Variants in CR1 observed in about 807,000 individuals in gnomAD.
The protein encoded by CR1 is complement receptor type 1.
In CR1, 116 loss-of-function variants were observed where a neutral mutation model predicts 187.3. The observed-to-expected ratio is 0.62, with a 90% CI of 0.53 to 0.72. The LOEUF (loss-of-function observed/expected upper bound fraction) is 0.72. CR1 is among the 30% of genes least tolerant of loss of function. The pLI, the probability that CR1 is intolerant of heterozygous loss-of-function variation, is 0.00. For missense variants in CR1, 1,731 were observed against 2,110.7 expected (o/e 0.82, Z 3.52); for synonymous variants, 576 against 747.1 (o/e 0.77, Z 3.73).
chr1:207,610,659 A>G (rs1661897360), intron 37 of CR1, among the ~76,000 whole-genome samples: 1 of 152,184 alleles, frequency 6.6e-6, no homozygotes, highest in South Asian at 2.1e-4. Flanking sequence ...CCCTGAGAAC[A>G]CACCAATTGT....
chr1:207,628,955 G>T (rs1662566538), intron 45 of CR1, among the ~76,000 whole-genome samples: 1 of 152,096 alleles, frequency 6.6e-6, no homozygotes, highest in African/African-American at 2.4e-5. Flanking sequence ...CACAGACTTG[G>T]CAAGTTCTTC....
rs761380715 is a variant in CR1 at position 207,612,033 on chromosome 1, C to T, written c.6567C>T (p.Cys2189=). ...LQLGAKVSFV[C]DEGFRLKGRS... ...TTGGGGCAAAGGTGTCCTTTGTTTG[C>T]GATGAAGGGTGAGTGTGACCCAGCG... Residue 2189 remains cysteine, a synonymous_variant, in exon 39 of 47, where the codon TGC becomes TGT. Transcript: ENST00000367049. 34 of 1,613,716 alleles carry T rather than the reference C, an allele frequency of 2.1e-5. No homozygotes were observed. The highest frequency in any genetic ancestry group is 5.0e-5 in the Admixed American group (3 of 59,980).
intron 35 of CR1, among the ~76,000 whole-genome samples, chr1:207,590,345 A>T (rs1300333307): frequency 6.6e-6 from 1 of 152,254 alleles, no homozygotes; most frequent in African/African-American, 2.4e-5. Flanking sequence ...CCAGAATTTC[A>T]TATCTAGCCA....
chr1:207,496,444 C>A, intron 1 of CR1, 56 bp downstream of exon 1: 1 of 1,531,178 alleles, frequency 6.5e-7, no homozygotes, highest in Non-Finnish European at 8.8e-7. Context: ...CCCGGGGCCC[C>A]GCAGAGAACT....
chr1:207,509,268 C>G (rs181681196), intron 3 of CR1, among the ~76,000 whole-genome samples: 11 of 152,122 alleles, frequency 7.2e-5, no homozygotes, highest in African/African-American at 2.7e-4. Context: ...TTTCTGGAAA[C>G]GAAATGATCA....
rs184236249 is a variant in CR1 at position 207,564,662 on chromosome 1, T to G, written c.3866+428T>G. ...CTAAAAATACAAAAGTTAGCTGGGT[T>G]TGGTGGCATGTGCCTGTAATCCCAG... On this transcript the variant is annotated intron_variant, in intron 23 of 46. Coordinates refer to ENST00000367049, the MANE Select transcript of CR1 (RefSeq NM_000651.6). Among the ~76,000 whole-genome samples, 90 of 149,896 alleles carry G rather than the reference T, an allele frequency of 6.0e-4. 1 individual carries two copies. In the East Asian group the frequency reaches 0.012, roughly 20 times the overall value.
At chr1:207,575,265 A>G (rs542332934) in intron 27 of CR1, among the ~76,000 whole-genome samples, 1 of 152,246 alleles carries the variant, frequency 6.6e-6, no homozygotes, top group Admixed American at 6.5e-5. Flanking sequence ...AAAAAAGGCA[A>G]AAATAATATT....
At chr1:207,631,060 C>A (rs1053385483) in intron 46 of CR1, among the ~76,000 whole-genome samples, 15 of 152,134 alleles carry the variant, frequency 9.9e-5, no homozygotes, top group Non-Finnish European at 1.3e-4. Flanking sequence ...CCACTGAATT[C>A]TCTACTTCAT....
At chr1:207,628,646 T>C (rs889479263) in intron 45 of CR1, among the ~76,000 whole-genome samples, 1 of 152,250 alleles carries the variant, frequency 6.6e-6, no homozygotes, top group Non-Finnish European at 1.5e-5. Context: ...CTCTTTGTGC[T>C]AGTATTTTGA....
rs1435323859 is a variant in CR1 at position 207,627,529 on chromosome 1, C to T, written c.7353-2988C>T. The stretch of plus-strand genomic sequence containing the variant: ...AAACTTACTCCAGGTTTCAAGGCTG[C>T]TCCTTGTTCTAATATACCAACTGTC... On this transcript the variant is annotated intron_variant, in intron 45 of 46. Coordinates refer to ENST00000367049, the MANE Select transcript of CR1 (RefSeq NM_000651.6). 2.6e-5 allele frequency among the ~76,000 whole-genome samples: 4 copies of T among 152,332 alleles called. No homozygotes were observed. The South Asian group carries it at 6.2e-4, about 24-fold the overall frequency.
At chr1:207,611,072 C>G (rs1381998530) in intron 37 of CR1, among the ~76,000 whole-genome samples, 1 of 151,950 alleles carries the variant, frequency 6.6e-6, no homozygotes, top group African/African-American at 2.4e-5. Context: ...TCCCCACCTC[C>G]CCTCCCTACC....
At chr1:207,632,481 G>T (rs1218344067) in intron 46 of CR1, among the ~76,000 whole-genome samples, 2 of 152,190 alleles carry the variant, frequency 1.3e-5, no homozygotes, top group Admixed American at 1.3e-4. Flanking sequence ...AATAAATAAT[G>T]CAGGAAGTTT....
At chr1:207,613,374 G>T (rs1428076919) in intron 39 of CR1, among the ~76,000 whole-genome samples, 1 of 152,052 alleles carries the variant, frequency 6.6e-6, no homozygotes, top group African/African-American at 2.4e-5. Flanking sequence ...CTCAAAGGTG[G>T]GCACAACAGT....
chr1:207,599,692 T>C (rs553186083), intron 35 of CR1, among the ~76,000 whole-genome samples: 1 of 152,324 alleles, frequency 6.6e-6, no homozygotes, highest in East Asian at 1.9e-4. Flanking sequence ...GACCATGTTG[T>C]GATGTCAACA....
intron 41 of CR1, among the ~76,000 whole-genome samples, chr1:207,617,507 A>ATATATATATATATATATATATATATATG (rs1332301171): frequency 2.1e-5 from 1 of 47,024 alleles, no homozygotes; most frequent in Non-Finnish European, 4.8e-5. Flanking sequence ...ATATATATAT[A>ATATATATATATATATATATATATATATG]TGTGTGTGTG....
In CR1 at chr1:207,580,544, C is replaced by T; in HGVS notation, c.5147C>T (p.Pro1716Leu). ...KSCDDFLGQL[P>L]HGRVLFPLNL... ...TGTGATGACTTCTTGGGTCAACTCCCTCATGGCCGTGTGCTATTTCCACTT... is the reference window on the plus strand; with the variant it reads ...TGTGATGACTTCTTGGGTCAACTCCTTCATGGCCGTGTGCTATTTCCACTT... Residue 1716 changes from proline to leucine, a missense_variant, in exon 31 of 47, where the codon CCT (proline) becomes CTT (leucine). By Grantham distance (98) the Pro-to-Leu change is moderately conservative. Coordinates refer to ENST00000367049, the MANE Select transcript of CR1 (RefSeq NM_000651.6). 1.2e-6 allele frequency: 2 copies of T among 1,613,086 alleles called. No individual in the cohort carries two copies. Among genetic ancestry groups the T allele is most frequent in the Non-Finnish European group, 1.7e-6 (2 of 1,179,744 alleles).
intron 35 of CR1, among the ~76,000 whole-genome samples, chr1:207,596,614 CA>C (rs1661449340): frequency 6.6e-6 from 1 of 150,960 alleles, no homozygotes; most frequent in African/African-American, 2.4e-5. Flanking sequence ...AACTCTGTCT[CA>C]AAAAATAATA....
chr1:207,517,231 A>G (rs1473139915), intron 4 of CR1, among the ~76,000 whole-genome samples: 1 of 152,064 alleles, frequency 6.6e-6, no homozygotes, highest in African/African-American at 2.4e-5. Flanking sequence ...GAATAAACCT[A>G]TGTTGCTTGT....
In CR1 at chr1:207,499,238, C is replaced by T. The variant is rs190339435; in HGVS notation, c.121+2850C>T. Reference sequence around the variant, plus strand: ...AATTTCAAACACAGCAGACTTCAGACCAAGAAAAATTATTAGGGATAAAGA... The same window carrying T: ...AATTTCAAACACAGCAGACTTCAGATCAAGAAAAATTATTAGGGATAAAGA... On this transcript the variant is annotated intron_variant, in intron 1 of 46. Transcript: ENST00000367049. Among the ~76,000 whole-genome samples, 8 of 152,124 alleles carry T rather than the reference C, an allele frequency of 5.3e-5. No individual in the cohort carries two copies. In the East Asian group the frequency reaches 1.5e-3, roughly 29 times the overall value.
Sources: allele counts gnomAD v4.1 joint callset (sites outside exome capture counted in the v4.1 genomes callset), GRCh38; gene constraint gnomAD v4.1.1; transcripts MANE v1.5; gene names NCBI Gene and HGNC (gene_info 2026-07-23, HGNC 2026-07-21).